CASTOR1: variants seen among roughly 807,000 people sequenced by gnomAD.
CASTOR1 encodes the protein cytosolic arginine sensor for mTORC1 subunit 1, also known as GATS protein like 3.
Under a neutral mutation model 33.7 loss-of-function variants are expected in CASTOR1, and 18 were observed. That is an observed-to-expected ratio of 0.53 (90% CI 0.37 to 0.79). The LOEUF (loss-of-function observed/expected upper bound fraction) is 0.79, where lower values mean the gene tolerates loss of function less well. Ranked by LOEUF, CASTOR1 falls within the 30% of genes least tolerant of loss-of-function variation. The pLI, the probability that CASTOR1 is intolerant of heterozygous loss-of-function variation, is 0.00. For missense variants in CASTOR1, 362 were observed against 446.3 expected (o/e 0.81, Z 1.70); for synonymous variants, 175 against 190.6 (o/e 0.92, Z 0.67).
At chr22:30,285,759 C>T in intron 8 of CASTOR1, 71 bp from the exon 9 acceptor site, 1 of 1,515,358 alleles carries the variant, frequency 6.6e-7, no homozygotes, top group Non-Finnish European at 9.0e-7. Context: ...CTTCCTGGCC[C>T]AGCTGAGACT....
chr22:30,287,133 A>G (rs777973170), intron 4 of CASTOR1, 22 bp downstream of exon 4: 34 of 1,600,320 alleles, frequency 2.1e-5, no homozygotes, highest in Admixed American at 5.1e-5. Flanking sequence ...CCCAAGTCCA[A>G]GTGTCAGGGG....
chr22:30,285,494 A>T lies in CASTOR1; in HGVS notation c.*126T>A. The T allele has an allele frequency of 2.7e-6, 2 of 735,958 alleles. No homozygotes were observed. Among genetic ancestry groups the T allele is most frequent in the Admixed American group, 2.9e-5 (1 of 34,334 alleles). The allele number at this position is 735,958 out of a possible 1,614,324, so 45.6% of individuals were successfully genotyped here. A position where few individuals can be genotyped will look rare whatever the true frequency, so the allele number is the denominator to read the frequency against. On this transcript the variant is annotated 3_prime_UTR_variant, in exon 9 of 9. Transcript: ENST00000407689. Reference sequence around the variant, plus strand: ...GTGCCTGCACGCAGCTTACATACAGAGAGCGGAACGAGGGTCCCCAGCAGA... The same window carrying T: ...GTGCCTGCACGCAGCTTACATACAGTGAGCGGAACGAGGGTCCCCAGCAGA...
intron 2 of CASTOR1, among the ~76,000 whole-genome samples, chr22:30,288,467 G>T (rs1363945121): frequency 6.6e-6 from 1 of 152,154 alleles, no homozygotes; most frequent in Non-Finnish European, 1.5e-5. Flanking sequence ...GGCCTCATGG[G>T]ACCCTATGTA....
chr22:30,287,791 T>C (rs28466884), intron 2 of CASTOR1: 4 of 693,418 alleles, frequency 5.8e-6, no homozygotes, highest in Non-Finnish European at 2.6e-6. Flanking sequence ...CAGACAGACC[T>C]GGGTTCAAAT....
At chr22:30,288,511 G>T (rs550094673) in intron 2 of CASTOR1, among the ~76,000 whole-genome samples, 195 bp downstream of exon 2, 1 of 152,204 alleles carries the variant, frequency 6.6e-6, no homozygotes, top group African/African-American at 2.4e-5. Context: ...TTACATAAGA[G>T]AAAACAGCTC....
At position 30,285,556 on chromosome 22, in the gene CASTOR1, A is replaced by T; in HGVS notation, c.*64T>A. ...GTTCCAGAGCTTAAGGAAATAGCTT[A>T]GAGAAGTCTTTGGAAGCCTGGGTCG... On this transcript the variant is annotated 3_prime_UTR_variant, in exon 9 of 9. Coordinates refer to ENST00000407689, the MANE Select transcript of CASTOR1 (RefSeq NM_001037666.3). The T allele has an allele frequency of 7.9e-7, 1 of 1,264,710 alleles. No homozygotes were observed. Among genetic ancestry groups the T allele is most frequent in the Non-Finnish European group, 1.1e-6 (1 of 894,320 alleles). The allele number at this position is 1,264,710 out of a possible 1,614,324, so 78.3% of individuals were successfully genotyped here. A position where few individuals can be genotyped will look rare whatever the true frequency, so the allele number is the denominator to read the frequency against.
At chr22:30,287,308 C>T (rs532340147) in intron 3 of CASTOR1, 21 bp from the exon 4 acceptor site, 3 of 1,575,102 alleles carry the variant, frequency 1.9e-6, no homozygotes, top group Middle Eastern at 1.7e-4. Context: ...GCAGATGGCA[C>T]ATCACATGGG....
intron 1 of CASTOR1, 181 bp downstream of exon 1, chr22:30,289,204 T>G (rs1264435339): frequency 3.5e-5 from 21 of 595,302 alleles, no homozygotes; most frequent in Non-Finnish European, 5.6e-5. Context: ...GGAGGGGGCC[T>G]CACGGGGCCG....
chr22:30,285,713 A>C (rs1929738192), intron 8 of CASTOR1, 25 bp from the exon 9 acceptor site: 1 of 1,550,324 alleles, frequency 6.5e-7, no homozygotes, highest in African/African-American at 1.4e-5. Flanking sequence ...GCAGGAGGGA[A>C]GGGTCAAGGC....
At position 30,286,253 on chromosome 22, in the gene CASTOR1, G is replaced by A. The variant is rs758913505; in HGVS notation, c.743+10C>T. Reference sequence around the variant, plus strand: ...GGCCTGGGGCCCACCCGGGGTCAGGGGTCACCTACTTTTTCTGTGTTTCAG... The same window carrying A: ...GGCCTGGGGCCCACCCGGGGTCAGGAGTCACCTACTTTTTCTGTGTTTCAG... On this transcript the variant is annotated intron_variant, in intron 6 of 8. Coordinates refer to ENST00000407689, the MANE Select transcript of CASTOR1 (RefSeq NM_001037666.3). 1 of 1,600,212 alleles carries A rather than the reference G, an allele frequency of 6.2e-7. No homozygotes were observed. The highest frequency in any genetic ancestry group is 1.1e-5 in the South Asian group (1 of 90,596).
rs1364624971 is a variant in CASTOR1 at position 30,287,573 on chromosome 22, GA to G, written c.185-14del. The G allele has an allele frequency of 2.5e-6, 4 of 1,601,620 alleles. No individual in the cohort carries two copies. Among genetic ancestry groups the G allele is most frequent in the Admixed American group, 3.4e-5 (2 of 58,624 alleles). On this transcript the variant is annotated splice_polypyrimidine_tract_variant and intron_variant, in intron 2 of 8. Coordinates refer to ENST00000407689, the MANE Select transcript of CASTOR1 (RefSeq NM_001037666.3). ...GATGGGGGCAGCTCTGTGGGCAGGG[GA>G]CATGTCAGGTCAGGGTCTACAAGGC... is the stretch of plus-strand genomic sequence containing the variant.
At chr22:30,288,662 C>T (rs1929848910) in intron 2 of CASTOR1, 44 bp downstream of exon 2, 4 of 1,529,488 alleles carry the variant, frequency 2.6e-6, no homozygotes, top group Non-Finnish European at 3.6e-6. Context: ...AAGGGGAGCA[C>T]GACAAGCCCC....
intron 5 of CASTOR1, 30 bp from the exon 6 acceptor site, chr22:30,286,406 T>G: frequency 1.3e-5 from 19 of 1,452,634 alleles, no homozygotes; most frequent in South Asian, 2.3e-5. Flanking sequence ...TTAGGGGCTC[T>G]ACCAGGCACC....
At position 30,286,014 on chromosome 22, in the gene CASTOR1, AC is replaced by A. The variant is rs779487292; in HGVS notation, c.826+1del. ...CCCCCCAACACCGGGAACAGCCCTC[AC>A]CAAAGCCCAGGGGCTGTCCACCGAT... On this transcript the variant is annotated splice_donor_variant, in intron 7 of 8. Transcript: ENST00000407689. LOFTEE classifies it high-confidence loss of function. 7.5e-6 allele frequency: 12 copies of A among 1,595,368 alleles called. No individual in the cohort carries two copies. The highest frequency in any genetic ancestry group is 1.0e-5 in the Non-Finnish European group (12 of 1,171,042).
At chr22:30,288,649 C>G (rs758259343) in intron 2 of CASTOR1, 57 bp downstream of exon 2, 19 of 1,465,622 alleles carry the variant, frequency 1.3e-5, no homozygotes, top group Non-Finnish European at 1.8e-5. Flanking sequence ...GAGAACCCTA[C>G]AGAAGGGGAG....
At position 30,285,694 on chromosome 22, in the gene CASTOR1, G is replaced by A. The variant is rs1325933779; in HGVS notation, c.922-6C>T. On this transcript the variant is annotated splice_region_variant and splice_polypyrimidine_tract_variant and intron_variant, in intron 8 of 8. Transcript: ENST00000407689. ...CCGATACCGTCCTCGGGCACCTGAGGGCAGGTGGGCAGGAGGGAAGGGTCA... is the reference window on the plus strand; with the variant it reads ...CCGATACCGTCCTCGGGCACCTGAGAGCAGGTGGGCAGGAGGGAAGGGTCA... 2 of 1,558,912 alleles carry A rather than the reference G, an allele frequency of 1.3e-6. No homozygotes were observed. Among genetic ancestry groups the A allele is most frequent in the Non-Finnish European group, 1.7e-6 (2 of 1,151,698 alleles).
intron 1 of CASTOR1, chr22:30,289,164 C>T: frequency 1.7e-6 from 1 of 582,820 alleles, no homozygotes; most frequent in Admixed American, 3.1e-5. Context: ...TAAGCATTGC[C>T]CATCCCAGGC....
chr22:30,285,604 C>G lies in CASTOR1; in HGVS notation c.*16G>C, dbSNP rs1340091798. On this transcript the variant is annotated 3_prime_UTR_variant, in exon 9 of 9. Transcript: ENST00000407689. The stretch of plus-strand genomic sequence containing the variant: ...TCGAGGGGAGAGCAGGGAGGCTGCT[C>G]TGTTGCCCATGGGCCTCAGGAAGCC... 3 of 1,550,534 alleles carry G rather than the reference C, an allele frequency of 1.9e-6. No homozygotes were observed. Among genetic ancestry groups the G allele is most frequent in the Admixed American group, 1.9e-5 (1 of 52,078 alleles).
intron 8 of CASTOR1, 24 bp downstream of exon 8, chr22:30,285,807 CT>C (rs56979117): frequency 0.026 from 41,105 of 1,592,494 alleles, 662 homozygotes; most frequent in Non-Finnish European, 0.03. Flanking sequence ...TCACTCTCCC[CT>C]CTGCCCCAGC....
Sources: gnomAD v4.1 joint callset for allele counts (sites outside exome capture counted in the v4.1 genomes callset) on GRCh38, gnomAD v4.1.1 for gene constraint, MANE v1.5 for transcripts, NCBI Gene and HGNC (gene_info 2026-07-23, HGNC 2026-07-21) for gene names.